The following SIL1 variants were observed in gnomAD, a reference collection of about 807,000 sequenced individuals.
SIL1 encodes the protein nucleotide exchange factor SIL1.
In SIL1, 40 loss-of-function variants were observed where a neutral mutation model predicts 49.1. The observed-to-expected ratio is 0.81, with a 90% CI of 0.63 to 1.06. The LOEUF (loss-of-function observed/expected upper bound fraction) is 1.06. Among genes scored for constraint, SIL1 ranks in the 50% least tolerant of loss-of-function variants. The pLI is 0.00. For synonymous variants in SIL1, 253 were observed against 250.8 expected (o/e 1.01, Z -0.08); for missense variants, 500 against 572.6 (o/e 0.87, Z 1.29).
intron 1 of SIL1, among the ~76,000 whole-genome samples, chr5:139,194,946 G>A (rs76870267): frequency 4.4e-5 from 5 of 113,104 alleles, no homozygotes; most frequent in Admixed American, 3.6e-4. Flanking sequence ...TTTTTTTTTT[G>A]AGACAGAATC....
intron 1 of SIL1, among the ~76,000 whole-genome samples, chr5:139,177,302 C>T (rs996666936): frequency 1.3e-5 from 2 of 151,874 alleles, no homozygotes; most frequent in African/African-American, 4.8e-5. Flanking sequence ...TGCAGTGGCA[C>T]CATCTCGGCT....
intron 1 of SIL1, among the ~76,000 whole-genome samples, chr5:139,161,112 G>A (rs994961185): frequency 2.0e-5 from 3 of 150,526 alleles, no homozygotes; most frequent in South Asian, 2.1e-4. Flanking sequence ...GCATGGTGGC[G>A]CATGCCTGTA....
chr5:139,074,947 C>T (rs1769915012), intron 3 of SIL1, among the ~76,000 whole-genome samples: 1 of 152,140 alleles, frequency 6.6e-6, no homozygotes, highest in Non-Finnish European at 1.5e-5. Context: ...GCCTCAGCCT[C>T]CTGAGTAGCT....
intron 1 of SIL1, among the ~76,000 whole-genome samples, chr5:139,133,000 T>C (rs1454251930): frequency 6.6e-6 from 1 of 151,780 alleles, no homozygotes; most frequent in African/African-American, 2.4e-5. Flanking sequence ...ATAGTGCCAT[T>C]CCCAAACCAC....
At chr5:139,016,248 G>A (rs888576005) in intron 7 of SIL1, among the ~76,000 whole-genome samples, 3 of 152,220 alleles carry the variant, frequency 2.0e-5, no homozygotes, top group African/African-American at 7.2e-5. Context: ...TTTCAAGCTT[G>A]GAGAACTACA....
intron 7 of SIL1, among the ~76,000 whole-genome samples, chr5:138,998,745 CCT>C (rs1450255942): frequency 2.0e-5 from 3 of 152,152 alleles, no homozygotes; most frequent in Non-Finnish European, 4.4e-5. Context: ...GGATTTGCCC[CCT>C]GTGATCCAAT....
intron 1 of SIL1, among the ~76,000 whole-genome samples, chr5:139,182,213 G>A (rs538870036): frequency 2.6e-5 from 4 of 152,142 alleles, no homozygotes; most frequent in Non-Finnish European, 4.4e-5. Context: ...CAAGGTCCAC[G>A]CAGCACAAAA....
At chr5:139,020,606 C>T (rs1442137417) in intron 7 of SIL1, among the ~76,000 whole-genome samples, 2 of 151,796 alleles carry the variant, frequency 1.3e-5, no homozygotes, top group African/African-American at 2.4e-5. Context: ...GTGGTGCCTA[C>T]ATATCTTTTG....
chr5:139,008,827 T>G (rs1254377572), intron 7 of SIL1, among the ~76,000 whole-genome samples: 1 of 152,180 alleles, frequency 6.6e-6, no homozygotes, highest in African/African-American at 2.4e-5. Context: ...GTCTGAGAGA[T>G]AGTTTGTTAT....
At chr5:138,984,210 T>C (rs1172353123) in intron 7 of SIL1, among the ~76,000 whole-genome samples, 1 of 152,180 alleles carries the variant, frequency 6.6e-6, no homozygotes, top group East Asian at 1.9e-4. Flanking sequence ...TCAAGGCAGA[T>C]GAGAGATAAT....
chr5:139,131,122 A>G (rs1418034375), intron 1 of SIL1, among the ~76,000 whole-genome samples: 3 of 152,224 alleles, frequency 2.0e-5, no homozygotes, highest in Non-Finnish European at 4.4e-5. Flanking sequence ...CAAAACAAAC[A>G]AGAAAACCTT....
At chr5:139,040,751 G>A (rs1016083005) in intron 5 of SIL1, among the ~76,000 whole-genome samples, 1 of 151,892 alleles carries the variant, frequency 6.6e-6, no homozygotes, top group African/African-American at 2.4e-5. Context: ...CACCCGCCTT[G>A]TCCTCCCAAA....
intron 3 of SIL1, 25 bp downstream of exon 3, chr5:139,121,010 G>T (rs374919203): frequency 1.9e-6 from 3 of 1,613,566 alleles, no homozygotes; most frequent in African/African-American, 2.7e-5. Context: ...AGTGTGTTTT[G>T]TGGGGACAGG....
At chr5:139,001,969 AAT>A (rs1306684105) in intron 7 of SIL1, among the ~76,000 whole-genome samples, 1 of 151,814 alleles carries the variant, frequency 6.6e-6, no homozygotes, top group Non-Finnish European at 1.5e-5. Context: ...CTAGGACTTT[AAT>A]AGGCTAAGGC....
At chr5:139,111,862 C>T (rs1770848724) in intron 3 of SIL1, among the ~76,000 whole-genome samples, 1 of 151,416 alleles carries the variant, frequency 6.6e-6, no homozygotes, top group African/African-American at 2.5e-5. Flanking sequence ...GTCTCCCTCT[C>T]CCTCTCTTTC....
intron 7 of SIL1, among the ~76,000 whole-genome samples, chr5:138,967,413 C>A (rs936894566): frequency 6.6e-6 from 1 of 152,194 alleles, no homozygotes; most frequent in African/African-American, 2.4e-5. Context: ...CAGATAACAA[C>A]CTGGGCCTCT....
chr5:139,092,670 G>A (rs779299689), intron 3 of SIL1, among the ~76,000 whole-genome samples: 11 of 152,150 alleles, frequency 7.2e-5, no homozygotes, highest in East Asian at 1.9e-4. Context: ...TCAAGACAAC[G>A]GGAACATGAA....
intron 1 of SIL1, among the ~76,000 whole-genome samples, chr5:139,157,009 G>A (rs1047203322): frequency 6.6e-6 from 1 of 152,100 alleles, no homozygotes; most frequent in Non-Finnish European, 1.5e-5. Context: ...GCCTCCCCAA[G>A]CCAGACTTGT....
chr5:139,003,478 C>T (rs1350686464), intron 7 of SIL1, among the ~76,000 whole-genome samples: 1 of 152,192 alleles, frequency 6.6e-6, no homozygotes, highest in East Asian at 1.9e-4. Flanking sequence ...CCAAATTTCA[C>T]AGATTTCCTT....
Sources: gnomAD v4.1 joint callset for allele counts (sites outside exome capture counted in the v4.1 genomes callset) on GRCh38, gnomAD v4.1.1 for gene constraint, MANE v1.5 for transcripts, NCBI Gene and HGNC (gene_info 2026-07-23, HGNC 2026-07-21) for gene names.